TPO: variants seen among roughly 807,000 people sequenced by gnomAD.
TPO encodes the protein thyroid peroxidase, also known as thyroid microsomal antigen.
Under a neutral mutation model 96.9 loss-of-function variants are expected in TPO, and 78 were observed. That is an observed-to-expected ratio of 0.81 (90% confidence interval 0.67 to 0.97). The LOEUF is 0.97. Among genes scored for constraint, TPO ranks in the 50% least tolerant of loss-of-function variants. The pLI is 0.00. For missense variants in TPO, 1,252 were observed against 1,274.8 expected, an observed-to-expected ratio of 0.98 and a Z score of 0.27; for synonymous variants, 547 against 538.0, an observed-to-expected ratio of 1.02 and a Z score of -0.23.
chr2:1,470,934 A>G (rs1398705767), intron 7 of TPO, among the ~76,000 whole-genome samples: 5 of 152,224 alleles, frequency 3.3e-5, no homozygotes, highest in African/African-American at 1.2e-4. Flanking sequence ...ACGCAGTGCC[A>G]TATTTACATG....
intron 1 of TPO, among the ~76,000 whole-genome samples, chr2:1,377,338 AAT>A (rs1553290403): frequency 6.6e-6 from 1 of 152,222 alleles, no homozygotes; most frequent in Non-Finnish European, 1.5e-5. Flanking sequence ...CTACAAGGAT[AAT>A]ACAGGGAGCC....
intron 15 of TPO, among the ~76,000 whole-genome samples, chr2:1,529,702 C>CGTGCAACCTCCTCAAATCCCCCCACTGT (rs1677579572): frequency 2.1e-5 from 1 of 46,598 alleles, no homozygotes; most frequent in African/African-American, 9.4e-5. Context: ...CCCCCCACTG[C>CGTGCAACCTCCTCAAATCCCCCCACTGT]GTGCAACCTC....
chr2:1,482,457 A>G (rs114732334), intron 8 of TPO, among the ~76,000 whole-genome samples: 1 of 152,056 alleles, frequency 6.6e-6, no homozygotes, highest in Non-Finnish European at 1.5e-5. Context: ...AGGCCTCTAC[A>G]TGGCACCGCC....
chr2:1,507,623 G>A (rs1353034473), intron 14 of TPO, among the ~76,000 whole-genome samples: 1 of 151,804 alleles, frequency 6.6e-6, no homozygotes, highest in African/African-American at 2.4e-5. Context: ...TGGATTCCTA[G>A]GTATTTTATT....
intron 9 of TPO, among the ~76,000 whole-genome samples, chr2:1,486,916 C>T (rs1269355887): frequency 1.3e-5 from 2 of 152,180 alleles, no homozygotes; most frequent in Non-Finnish European, 2.9e-5. Flanking sequence ...AGCAGGTGCC[C>T]GGCATTTGAA....
At chr2:1,489,961 C>T (rs58843956) in intron 10 of TPO, among the ~76,000 whole-genome samples, 13,628 of 102,260 alleles carry the variant, frequency 0.13, 1,227 homozygotes, top group African/African-American at 0.3. Context: ...GTGTAAGAGC[C>T]GCCACGTGGG....
At chr2:1,540,923 A>T in intron 16 of TPO, 200 bp downstream of exon 16, 1 of 1,537,076 alleles carries the variant, frequency 6.5e-7, no homozygotes, top group Non-Finnish European at 8.8e-7. Flanking sequence ...TAGTGAGAGG[A>T]ATGAAGATGC....
chr2:1,477,111 C>T lies in TPO; in HGVS notation c.845C>T (p.Ala282Val). 5 of 1,606,532 alleles carry T rather than the reference C, an allele frequency of 3.1e-6. No individual in the cohort carries two copies. The East Asian group carries it at 6.7e-5, about 22-fold the overall frequency. Residue 282 changes from alanine (A) to valine (V), a missense_variant, in exon 8 of 17, where the codon GCG becomes GTG. Ala to Val is a moderately conservative substitution (Grantham distance 64). Coordinates refer to ENST00000329066, the MANE Select transcript of TPO (RefSeq NM_001206744.2). ...IQLPEEARPA[A>V]GTACLPFYRS... ...CTCCCGGAGGAGGCCCGGCCGGCCG[C>T]GGGCACCGCCTGTCTGCCCTTCTAC... is the stretch of plus-strand genomic sequence containing the variant.
intron 8 of TPO, among the ~76,000 whole-genome samples, chr2:1,481,704 T>C (rs554752423): frequency 6.6e-6 from 1 of 152,344 alleles, no homozygotes; most frequent in African/African-American, 2.4e-5. Context: ...GATAAAGTCA[T>C]GCTTCCAAGG....
chr2:1,410,364 A>C (rs948053331), upstream of TPO, among the ~76,000 whole-genome samples: 2 of 152,248 alleles, frequency 1.3e-5, no homozygotes, highest in African/African-American at 2.4e-5. Flanking sequence ...CAAGGCAGTC[A>C]GGCCCTGGCC....
chr2:1,541,962 C>T (rs900977399), intron 16 of TPO: 18 of 199,446 alleles, frequency 9.0e-5, no homozygotes, highest in African/African-American at 3.3e-4. Flanking sequence ...CTGGCTCCCA[C>T]GCATGGAACC....
chr2:1,412,567 C>T (rs923364535), upstream of TPO, among the ~76,000 whole-genome samples: 1 of 151,036 alleles, frequency 6.6e-6, no homozygotes. Flanking sequence ...GGCTTCAGAA[C>T]ATCTTCTAAC....
intron 15 of TPO, among the ~76,000 whole-genome samples, chr2:1,526,773 C>G (rs74509294): frequency 1.8e-5 from 2 of 112,538 alleles, no homozygotes; most frequent in African/African-American, 6.3e-5. Flanking sequence ...GCAACCTCCC[C>G]AAATCCCCCC....
intron 1 of TPO, among the ~76,000 whole-genome samples, chr2:1,389,539 G>A (rs1661963646): frequency 6.6e-6 from 1 of 152,112 alleles, no homozygotes; most frequent in Admixed American, 6.5e-5. Context: ...ATTAATACAA[G>A]TAGAATATTT....
chr2:1,542,474 A>AG lies in TPO; in HGVS notation c.*3dup. 6.2e-7 allele frequency: 1 copy of AG among 1,614,176 alleles called. No homozygotes were observed. The highest frequency in any genetic ancestry group is 8.5e-7 in the Non-Finnish European group (1 of 1,180,028). ...CTCACAGGCTGCCGAGAGCCCTCTG[A>AG]GGGCAAAGTGGCAGGACACTGCAGA... On this transcript the variant is annotated 3_prime_UTR_variant, in exon 17 of 17. Transcript: ENST00000329066.
intron 1 of TPO, among the ~76,000 whole-genome samples, chr2:1,404,079 G>A (rs1028770509): frequency 3.3e-5 from 5 of 152,158 alleles, no homozygotes; most frequent in East Asian, 3.9e-4. Flanking sequence ...TGGATCTCCC[G>A]AGCACAGATC....
intron 2 of TPO, among the ~76,000 whole-genome samples, chr2:1,422,370 C>CAGA (rs1482267913): frequency 2.2e-4 from 33 of 150,610 alleles, no homozygotes; most frequent in Admixed American, 1.6e-3. Flanking sequence ...CCGCGCTGGA[C>CAGA]CGACCTCGTG....
chr2:1,520,528 C>G (rs752094087), intron 15 of TPO, among the ~76,000 whole-genome samples: 96 of 152,160 alleles, frequency 6.3e-4, no homozygotes, highest in Non-Finnish European at 1.1e-3. Flanking sequence ...TTCTACCCAC[C>G]CTGCTGTCTG....
intron 1 of TPO, among the ~76,000 whole-genome samples, chr2:1,403,811 G>A (rs1573062539): frequency 6.6e-6 from 1 of 152,276 alleles, no homozygotes; most frequent in South Asian, 2.1e-4. Context: ...GGAGTGGTGT[G>A]ACCAGAGCAC....
Sources: allele counts gnomAD v4.1 joint callset (sites outside exome capture counted in the v4.1 genomes callset), GRCh38; gene constraint gnomAD v4.1.1; transcripts MANE v1.5; gene names NCBI Gene and HGNC (gene_info 2026-07-23, HGNC 2026-07-21).